The following CPEB2 variants were observed in gnomAD, a reference collection of about 807,000 sequenced individuals.
The protein encoded by CPEB2 is cytoplasmic polyadenylation element-binding protein 2.
A neutral mutation model predicts 93.6 loss-of-function variants in CPEB2; 56 were observed. That is an observed-to-expected ratio of 0.60 (90% CI 0.48 to 0.75). The LOEUF is 0.75. CPEB2 is among the 30% of genes least tolerant of loss of function. CPEB2 has a pLI of 0.00. For missense variants in CPEB2, 1,579 were observed against 1,395.1 expected, an observed-to-expected ratio of 1.13 and a Z score of -2.10; for synonymous variants, 764 against 586.3, an observed-to-expected ratio of 1.30 and a Z score of -4.38.
intron 3 of CPEB2, 33 bp downstream of exon 3, chr4:15,008,460 C>T (rs780150401): frequency 3.1e-5 from 45 of 1,441,052 alleles, no homozygotes; most frequent in Admixed American, 5.1e-5. Context: ...TTTAGGATTT[C>T]GGTTAGGAGT....
chr4:15,017,895 G>GA (rs1227109525), intron 4 of CPEB2: 1 of 151,354 alleles, frequency 6.6e-6, no homozygotes. Flanking sequence ...TGTATAAAAT[G>GA]AAAAAAAGCA....
chr4:15,038,585 C>CTT (rs369548599), intron 5 of CPEB2, among the ~76,000 whole-genome samples: 4,443 of 137,192 alleles, frequency 0.032, 97 homozygotes, highest in South Asian at 0.13. Context: ...GTAGTCTATT[C>CTT]TTTTTTTTTT....
At chr4:15,032,506 C>T (rs186523793) in intron 4 of CPEB2, among the ~76,000 whole-genome samples, 5 of 152,028 alleles carry the variant, frequency 3.3e-5, no homozygotes, top group Non-Finnish European at 5.9e-5. Flanking sequence ...AAAAAACTTT[C>T]GAATGAAGAA....
chr4:15,041,031 A>G (rs1560240437), intron 6 of CPEB2, among the ~76,000 whole-genome samples: 1 of 152,120 alleles, frequency 6.6e-6, no homozygotes, highest in Non-Finnish European at 1.5e-5. Flanking sequence ...ACACACACAC[A>G]CAAACACATA....
intron 6 of CPEB2, among the ~76,000 whole-genome samples, chr4:15,050,924 C>T (rs191808765): frequency 4.5e-4 from 69 of 152,328 alleles, no homozygotes; most frequent in Middle Eastern, 3.4e-3. Context: ...TTCTCCACTT[C>T]CTTTTCAGCT....
rs1270128575 is a variant in CPEB2, at chr4:15,066,410, GA to G, written c.*33del. The G allele has an allele frequency of 3.4e-6, 5 of 1,485,962 alleles. No individual in the cohort carries two copies. The East Asian group carries it at 1.2e-4, about 36-fold the overall frequency. 92.0% of individuals were successfully genotyped at this position (1,485,962 alleles called of 1,614,324 possible). On this transcript the variant is annotated 3_prime_UTR_variant, in exon 12 of 12. Transcript: ENST00000538197. ...AGCAAACTGGCCTCTGTTTAACAAG[GA>G]AAGAAAGGGTGCATGTGGCTTACTG...
At position 15,002,826 on chromosome 4, in the gene CPEB2, A is replaced by ACCGTTGCCTGTCACCGGCTTCTTAGAGG. The variant is rs1162489662; in HGVS notation, c.157_184dup (p.Ala62ValfsTer44). 1 of 1,533,576 alleles carries ACCGTTGCCTGTCACCGGCTTCTTAGAGG rather than the reference A, an allele frequency of 6.5e-7. No homozygotes were observed. Among genetic ancestry groups the ACCGTTGCCTGTCACCGGCTTCTTAGAGG allele is most frequent in the African/African-American group, 1.4e-5 (1 of 72,270 alleles). The allele number at this position is 1,533,576 out of a possible 1,614,324, so 95.0% of individuals were successfully genotyped here. A position where few individuals can be genotyped will look rare whatever the true frequency, so the allele number is the denominator to read the frequency against. ...CGCCCTTCGGCCCACTGTCGCCACCACCGTTGCCTGTCACCGGCTTCTTAG... is the reference window on the plus strand; with the variant it reads ...CGCCCTTCGGCCCACTGTCGCCACCACCGTTGCCTGTCACCGGCTTCTTAGAGGCCGTTGCCTGTCACCGGCTTCTTAG... On this transcript the variant is annotated frameshift_variant, in exon 1 of 12. Transcript: ENST00000538197. LOFTEE classifies it high-confidence loss of function.
intron 8 of CPEB2, among the ~76,000 whole-genome samples, chr4:15,055,453 A>G (rs35324438): frequency 0.46 from 69,482 of 151,986 alleles, 17,351 homozygotes; most frequent in East Asian, 0.75. Context: ...GCCATTTCAT[A>G]AAGTTTACTT....
chr4:15,032,314 T>C (rs963811959), intron 4 of CPEB2, among the ~76,000 whole-genome samples: 1 of 152,172 alleles, frequency 6.6e-6, no homozygotes, highest in African/African-American at 2.4e-5. Flanking sequence ...GATTTAGGAA[T>C]TTGAGAAAAA....
At chr4:15,013,248 T>C (rs1723713340) in intron 3 of CPEB2, among the ~76,000 whole-genome samples, 1 of 152,044 alleles carries the variant, frequency 6.6e-6, no homozygotes, top group Non-Finnish European at 1.5e-5. Context: ...CATTTTATTC[T>C]GTTAGTTATT....
intron 6 of CPEB2, among the ~76,000 whole-genome samples, chr4:15,051,649 T>A (rs1476972779): frequency 6.6e-6 from 1 of 152,268 alleles, no homozygotes; most frequent in African/African-American, 2.4e-5. Context: ...TCTGAGCACT[T>A]TGAAGCTTTC....
chr4:15,004,366 G>C (rs1284613362), intron 1 of CPEB2, 31 bp downstream of exon 1: 2 of 1,395,134 alleles, frequency 1.4e-6, no homozygotes, highest in Non-Finnish European at 1.9e-6. Context: ...GCCGCGCCGC[G>C]GGACCGGGAG....
At chr4:15,032,758 C>T (rs1726249509) in intron 4 of CPEB2, among the ~76,000 whole-genome samples, 1 of 151,870 alleles carries the variant, frequency 6.6e-6, no homozygotes, top group African/African-American at 2.4e-5. Flanking sequence ...ATGAAATTCT[C>T]TCAAGTTTTA....
In CPEB2 at chr4:15,003,778, G is replaced by A; in HGVS notation, c.1105G>A (p.Gly369Ser). 1 of 1,125,230 alleles carries A rather than the reference G, an allele frequency of 8.9e-7. No individual in the cohort carries two copies. Among genetic ancestry groups the A allele is most frequent in the Non-Finnish European group, 1.1e-6 (1 of 900,426 alleles). 69.7% of individuals were successfully genotyped at this position (1,125,230 alleles called of 1,614,324 possible). A position where few individuals can be genotyped will look rare whatever the true frequency, so the allele number is the denominator to read the frequency against. ...GGPPGGGGGGGSASPPPLPGF... is the reference protein window; with the variant it reads ...GGPPGGGGGGSSASPPPLPGF... ...GCCCCCAGGAGGCGGAGGGGGAGGC[G>A]GCTCCGCGTCGCCGCCGCCGCTGCC... Residue 369 changes from glycine to serine, a missense_variant, in exon 1 of 12, where the codon GGC (glycine) becomes AGC (serine). Coordinates refer to ENST00000538197, the MANE Select transcript of CPEB2 (RefSeq NM_001177382.2).
chr4:15,059,078 T>C (rs1728964009), intron 9 of CPEB2, 109 bp from the exon 10 acceptor site: 5 of 579,032 alleles, frequency 8.6e-6, no homozygotes, highest in Non-Finnish European at 1.5e-5. Context: ...GATCCCACTA[T>C]ACAAATTTTT....
chr4:15,064,934 A>AAATC (rs1465024604), intron 11 of CPEB2, among the ~76,000 whole-genome samples: 3 of 152,158 alleles, frequency 2.0e-5, no homozygotes, highest in African/African-American at 7.2e-5. Context: ...GAGAACTCAT[A>AAATC]AATCAATTTA....
At chr4:15,033,307 C>A (rs1726305503) in intron 5 of CPEB2, 96 bp downstream of exon 5, 1 of 780,016 alleles carries the variant, frequency 1.3e-6, no homozygotes, top group East Asian at 2.7e-5. Context: ...ACAATTTAAT[C>A]ATTCTATGAG....
At chr4:15,045,753 A>G (rs1484735310) in intron 6 of CPEB2, among the ~76,000 whole-genome samples, 1 of 152,198 alleles carries the variant, frequency 6.6e-6, no homozygotes, top group African/African-American at 2.4e-5. Flanking sequence ...CTGGTGAAAT[A>G]AAAAACACAT....
chr4:15,002,869 TCCGTCCCCCTCGGCGGCGGCGCGGGCAGC>T lies in CPEB2; in HGVS notation c.200_228del (p.Val67GlyfsTer20), dbSNP rs1259389054. 6.5e-6 allele frequency: 10 copies of T among 1,526,996 alleles called. No homozygotes were observed. Among genetic ancestry groups the T allele is most frequent in the South Asian group, 6.0e-5 (5 of 82,842 alleles). 94.6% of individuals were successfully genotyped at this position (1,526,996 alleles called of 1,614,324 possible). On this transcript the variant is annotated frameshift_variant, in exon 1 of 12. Transcript: ENST00000538197. LOFTEE classifies it high-confidence loss of function. The stretch of plus-strand genomic sequence containing the variant: ...CTTCTTAGAGGCCGCCTCCCCCTTC[TCCGTCCCCCTCGGCGGCGGCGCGGGCAGC>T]CCGGCCGCCGCCGCTTCCTCTTCCT...
Sources: gnomAD v4.1 joint callset for allele counts (sites outside exome capture counted in the v4.1 genomes callset) on GRCh38, gnomAD v4.1.1 for gene constraint, MANE v1.5 for transcripts, NCBI Gene and HGNC (gene_info 2026-07-23, HGNC 2026-07-21) for gene names.